ARHGAP5: variants seen among roughly 807,000 people sequenced by gnomAD.
The protein encoded by ARHGAP5 is Rho GTPase activating protein 5.
In ARHGAP5, 23 loss-of-function variants were observed where a neutral mutation model predicts 116.6. That is an observed-to-expected ratio of 0.20 (90% CI 0.14 to 0.28). The LOEUF is 0.28. ARHGAP5 is among the 10% of genes least tolerant of loss of function. ARHGAP5 has a pLI of 1.00. For synonymous variants in ARHGAP5, 574 were observed against 602.0 expected (o/e 0.95, Z 0.68); for missense variants, 1,405 against 1,774.8 (o/e 0.79, Z 3.74).
Position 32,092,016 on chromosome 14 carries a change from A to G in ARHGAP5, c.1347A>G (p.Pro449=), listed in dbSNP as rs757497311. Residue 449 remains proline (P), a synonymous_variant, in exon 2 of 7, where the codon CCA becomes CCG. Transcript: ENST00000345122. The surrounding 1 kb of genome is among the most constrained non-coding windows in gnomAD (Gnocchi z 4.1). The part of the protein sequence containing the change: ...EKIQFISPGQ[P]WEEVMCFVME... ...TTCAATTCATTTCACCAGGGCAGCC[A>G]TGGGAGGAAGTTATGTGCTTTGTTA... 1.9e-6 allele frequency: 3 copies of G among 1,613,652 alleles called. No individual in the cohort carries two copies. The highest frequency in any genetic ancestry group is 2.7e-5 in the African/African-American group (2 of 74,924).
At chr14:32,101,506 T>G (rs913323734) in intron 2 of ARHGAP5, among the ~76,000 whole-genome samples, 1 of 152,190 alleles carries the variant, frequency 6.6e-6, no homozygotes, top group Admixed American at 6.6e-5. Flanking sequence ...TGTTGTCATT[T>G]GTCTATATCA....
At chr14:32,094,717 G>A (rs1054971989) in intron 2 of ARHGAP5, among the ~76,000 whole-genome samples, 1 of 151,940 alleles carries the variant, frequency 6.6e-6, no homozygotes, top group Non-Finnish European at 1.5e-5. Context: ...TGCCCTACCA[G>A]TTTTGCGGTA....
At chr14:32,116,140 A>G (rs1254915450) in intron 2 of ARHGAP5, among the ~76,000 whole-genome samples, 22 of 139,278 alleles carry the variant, frequency 1.6e-4, no homozygotes, top group African/African-American at 5.7e-4. Flanking sequence ...TACAAAAATT[A>G]GCTGGGCGTG....
chr14:32,125,545 G>A (rs1211717585), intron 3 of ARHGAP5, among the ~76,000 whole-genome samples: 2 of 152,144 alleles, frequency 1.3e-5, no homozygotes, highest in Non-Finnish European at 2.9e-5. Context: ...ACTTCTTGAG[G>A]AACTGTCAAA....
In ARHGAP5 at chr14:32,131,924, T is replaced by G. The variant is rs536345363; in HGVS notation, c.3866-14339T>G. 2.6e-3 allele frequency among the ~76,000 whole-genome samples: 403 copies of G among 152,366 alleles called. 2 individuals are homozygous for G. The highest frequency in any genetic ancestry group is 9.0e-3 in the African/African-American group (376 of 41,576). On this transcript the variant is annotated intron_variant, in intron 3 of 6. Coordinates refer to ENST00000345122, the MANE Select transcript of ARHGAP5 (RefSeq NM_001030055.2). ...ACAAAGGACATGAACTCATCATTTT[T>G]TATGGCTGCATAGTATTCCATGGTG...
intron 3 of ARHGAP5, among the ~76,000 whole-genome samples, chr14:32,120,887 A>G (rs1367019810): frequency 6.6e-6 from 1 of 152,054 alleles, no homozygotes; most frequent in Non-Finnish European, 1.5e-5. Context: ...ACTTTTGTAA[A>G]ATTAAAGAAT....
chr14:32,117,088 A>C (rs1224750854), intron 2 of ARHGAP5, 52 bp from the exon 3 acceptor site: 78 of 1,429,310 alleles, frequency 5.5e-5, no homozygotes, highest in Non-Finnish European at 7.2e-5. Context: ...GCTCATTACT[A>C]TTATTCTGAA....
At chr14:32,134,781 A>T (rs1175495483) in intron 3 of ARHGAP5, among the ~76,000 whole-genome samples, 1 of 152,136 alleles carries the variant, frequency 6.6e-6, no homozygotes, top group Admixed American at 6.5e-5. Context: ...TGCTTATCCT[A>T]AGTGTATCTT....
intron 5 of ARHGAP5, among the ~76,000 whole-genome samples, chr14:32,151,688 T>C (rs770113576): frequency 2.0e-4 from 31 of 152,344 alleles, no homozygotes; most frequent in Middle Eastern, 3.4e-3. Flanking sequence ...CAGGGTTGAG[T>C]AAGTGTGCCC....
intron 5 of ARHGAP5, among the ~76,000 whole-genome samples, chr14:32,151,950 G>A (rs1881655281): frequency 6.6e-6 from 1 of 152,144 alleles, no homozygotes; most frequent in South Asian, 2.1e-4. Flanking sequence ...TAATTTAGCA[G>A]GTTCTTTTGA....
intron 3 of ARHGAP5, among the ~76,000 whole-genome samples, chr14:32,143,473 TG>T (rs1294541986): frequency 2.0e-5 from 3 of 152,196 alleles, no homozygotes; most frequent in Non-Finnish European, 4.4e-5. Context: ...CTCAATCTCC[TG>T]ACCTCGTGAT....
chr14:32,136,386 A>G (rs998187003), intron 3 of ARHGAP5, among the ~76,000 whole-genome samples: 2 of 152,182 alleles, frequency 1.3e-5, no homozygotes, highest in African/African-American at 4.8e-5. Context: ...CCTTTTGTGT[A>G]TGGCTCTTTC....
chr14:32,100,965 T>C (rs1054574443), intron 2 of ARHGAP5, among the ~76,000 whole-genome samples: 3 of 152,214 alleles, frequency 2.0e-5, no homozygotes, highest in Non-Finnish European at 4.4e-5. Context: ...AGTATCTATT[T>C]TGTCTATTTT....
chr14:32,092,816 A>T lies in ARHGAP5; in HGVS notation c.2147A>T (p.His716Leu). 1 of 1,614,098 alleles carries T rather than the reference A, an allele frequency of 6.2e-7. No homozygotes were observed. Reference sequence around the variant, plus strand: ...AGTAAGAATCTACCAATTCTCAGGCACCAAGGGCAGCAGTTGGCAAACAAG... The same window carrying T: ...AGTAAGAATCTACCAATTCTCAGGCTCCAAGGGCAGCAGTTGGCAAACAAG... The part of the protein sequence containing the change: ...SISKNLPILR[H>L]QGQQLANKLQ... The change falls in exon 2 of 7, where the codon CAC becomes CTC. Residue 716 changes from histidine to leucine, a missense_variant. By Grantham distance (99) the His-to-Leu change is moderately conservative (BLOSUM62 -3). This residue lies in a region of ARHGAP5 where 944 missense variants were observed against 1,095.3 expected (regional missense o/e 0.86). Transcript: ENST00000345122. The surrounding 1 kb of genome is among the most constrained non-coding windows in gnomAD (Gnocchi z 4.1).
In ARHGAP5 at chr14:32,159,465, G is replaced by A. The variant is rs892159741; in HGVS notation, c.*4517G>A. On this transcript the variant is annotated 3_prime_UTR_variant, in exon 7 of 7. Coordinates refer to ENST00000345122, the MANE Select transcript of ARHGAP5 (RefSeq NM_001030055.2). ...ATTAGATTTTATTTGAATAAGTTAT[G>A]TGGGTTTAGTAATTGACCTATTTAT... The A allele has an allele frequency of 1.3e-5, 2 of 152,036 alleles. No homozygotes were observed. The highest frequency in any genetic ancestry group is 2.9e-5 in the Non-Finnish European group (2 of 67,980). 9.4% of individuals were successfully genotyped at this position (152,036 alleles called of 1,614,324 possible).
intron 3 of ARHGAP5, among the ~76,000 whole-genome samples, chr14:32,137,298 T>A (rs1399705901): frequency 6.6e-6 from 1 of 150,376 alleles, no homozygotes; most frequent in Non-Finnish European, 1.5e-5. Context: ...GATATTCGCC[T>A]GTCTCTGCAC....
At chr14:32,095,365 C>T (rs1002357891) in intron 2 of ARHGAP5, among the ~76,000 whole-genome samples, 13 of 142,478 alleles carry the variant, frequency 9.1e-5, no homozygotes, top group South Asian at 4.6e-4. Flanking sequence ...CTTTTTTTGT[C>T]GTTAGCAAAT....
intron 3 of ARHGAP5, among the ~76,000 whole-genome samples, chr14:32,125,651 T>C (rs1299725533): frequency 1.3e-5 from 2 of 152,256 alleles, no homozygotes; most frequent in Non-Finnish European, 2.9e-5. Flanking sequence ...ATGTGTTCTG[T>C]ATGTGTATTA....
At chr14:32,098,261 C>T (rs1205664851) in intron 2 of ARHGAP5, among the ~76,000 whole-genome samples, 2 of 152,136 alleles carry the variant, frequency 1.3e-5, no homozygotes, top group East Asian at 1.9e-4. Context: ...ATAGGCATAT[C>T]GACCAATATA....
Sources: gnomAD v4.1 joint callset for allele counts (sites outside exome capture counted in the v4.1 genomes callset) on GRCh38, gnomAD v4.1.1 for gene constraint, gnomAD v4.1.1 regional missense constraint, Gnocchi (gnomAD v3.1) non-coding constraint, MANE v1.5 for transcripts, NCBI Gene and HGNC (gene_info 2026-07-23, HGNC 2026-07-21) for gene names.